OSGIN1: variants seen among roughly 807,000 people sequenced by gnomAD.
The protein encoded by OSGIN1 is oxidative stress induced growth inhibitor 1.
Under a neutral mutation model 20.1 loss-of-function variants are expected in OSGIN1, and 19 were observed. That is an observed-to-expected ratio of 0.95 (90% CI 0.66 to 1.39). OSGIN1 has a LOEUF of 1.39. Ranked by LOEUF, OSGIN1 falls within the 40% of genes most tolerant of loss-of-function variation. OSGIN1 has a pLI of 0.00. For missense variants in OSGIN1, 820 were observed against 653.0 expected, an observed-to-expected ratio of 1.26 and a Z score of -2.79; for synonymous variants, 368 against 297.8, an observed-to-expected ratio of 1.24 and a Z score of -2.43.
chr16:83,959,178 C>A, intron 2 of OSGIN1, 82 bp from the exon 3 acceptor site: 1 of 911,668 alleles, frequency 1.1e-6, no homozygotes, highest in Non-Finnish European at 1.7e-6. Flanking sequence ...AATGAATGCG[C>A]CGCATCTAGA....
At chr16:83,962,393 C>A (rs2084225853) in intron 5 of OSGIN1, among the ~76,000 whole-genome samples, 1 of 152,216 alleles carries the variant, frequency 6.6e-6, no homozygotes, top group African/African-American at 2.4e-5. Flanking sequence ...TGCCCACCAC[C>A]ACACCCGGCT....
At chr16:83,954,913 A>C (rs1346958977) in intron 1 of OSGIN1, among the ~76,000 whole-genome samples, 2 of 152,234 alleles carry the variant, frequency 1.3e-5, no homozygotes, top group Non-Finnish European at 2.9e-5. Flanking sequence ...GGGTGGGCGC[A>C]CTGGGGCAGA....
At chr16:83,960,524 C>A (rs767765254) in intron 3 of OSGIN1, 45 bp from the exon 4 acceptor site, 2 of 1,525,702 alleles carry the variant, frequency 1.3e-6, no homozygotes, top group Admixed American at 1.7e-5. Context: ...GGGAAGACGA[C>A]CCCGCCCTCC....
intron 5 of OSGIN1, among the ~76,000 whole-genome samples, chr16:83,964,567 C>T (rs963229913): frequency 6.6e-5 from 10 of 152,080 alleles, no homozygotes; most frequent in Admixed American, 5.9e-4. Context: ...TGGAATCATA[C>T]CATATTTAAT....
chr16:83,962,533 G>A (rs2084228538), intron 5 of OSGIN1, among the ~76,000 whole-genome samples: 1 of 152,294 alleles, frequency 6.6e-6, no homozygotes. Context: ...GAGCCACCAC[G>A]CCAGGCTAAT....
intron 5 of OSGIN1, among the ~76,000 whole-genome samples, chr16:83,963,057 G>A (rs1187948252): frequency 2.0e-5 from 3 of 152,126 alleles, no homozygotes; most frequent in South Asian, 2.1e-4. Context: ...TCTGCCTCTC[G>A]GGAAGCCCTG....
At chr16:83,955,394 A>G (rs1008682955) in intron 1 of OSGIN1, among the ~76,000 whole-genome samples, 1 of 152,166 alleles carries the variant, frequency 6.6e-6, no homozygotes, top group Non-Finnish European at 1.5e-5. Flanking sequence ...TGGAACGGAC[A>G]CTGCACGTTC....
At chr16:83,963,575 A>C (rs2084241033) in intron 5 of OSGIN1, among the ~76,000 whole-genome samples, 1 of 152,136 alleles carries the variant, frequency 6.6e-6, no homozygotes, top group African/African-American at 2.4e-5. Context: ...TGCTCTTGGG[A>C]CCGTTCTGTG....
At chr16:83,960,913 C>A in intron 4 of OSGIN1, 68 bp from the exon 5 acceptor site, 1 of 1,546,330 alleles carries the variant, frequency 6.5e-7, no homozygotes, top group Non-Finnish European at 8.9e-7. Flanking sequence ...AAAGGCCTCC[C>A]ATGCCCTCTA....
chr16:83,959,393 C>T lies in OSGIN1; in HGVS notation c.201C>T (p.Asp67=), dbSNP rs757839127. 5 of 1,613,698 alleles carry T rather than the reference C, an allele frequency of 3.1e-6. No individual in the cohort carries two copies. Among genetic ancestry groups the T allele is most frequent in the Non-Finnish European group, 4.2e-6 (5 of 1,179,896 alleles). Residue 67 remains aspartate (D), a synonymous_variant, in exon 3 of 6, where the codon GAC becomes GAT. Coordinates refer to ENST00000393306, the MANE Select transcript of OSGIN1 (RefSeq NM_182981.3). ...LTEAPGVSIL[D]QDLDYLSEGL... ...AGGCCCCGGGGGTCTCCATCCTGGA[C>T]CAGGTGGGTCAGCCTGGGGCCAGAG...
At chr16:83,963,523 C>G (rs2084240303) in intron 5 of OSGIN1, among the ~76,000 whole-genome samples, 1 of 152,138 alleles carries the variant, frequency 6.6e-6, no homozygotes, top group African/African-American at 2.4e-5. Context: ...AGCATTCATT[C>G]TTTCCATTGT....
At chr16:83,961,182 G>C in intron 5 of OSGIN1, 110 bp downstream of exon 5, 1 of 834,036 alleles carries the variant, frequency 1.2e-6, no homozygotes. Context: ...CCAAGGTTGA[G>C]GACGCGCCCG....
In OSGIN1 at chr16:83,965,844, G is replaced by A. The variant is rs1291152363; in HGVS notation, c.1271G>A (p.Arg424Lys). The A allele has an allele frequency of 6.2e-7, 1 of 1,613,060 alleles. No individual in the cohort carries two copies. Among genetic ancestry groups the A allele is most frequent in the Middle Eastern group, 1.6e-4 (1 of 6,062 alleles). The change falls in exon 6 of 6, where the codon AGG (arginine) becomes AAG (lysine). Residue 424 changes from arginine to lysine, a missense_variant. By Grantham distance (26) the Arg-to-Lys change is conservative. Transcript: ENST00000393306. Reference sequence around the variant, plus strand: ...CCTGACCAGCCGCTGAGCGCCAAGAGGAACCCCATTGACGTGGACCCCTTC... The same window carrying A: ...CCTGACCAGCCGCTGAGCGCCAAGAAGAACCCCATTGACGTGGACCCCTTC... The part of the protein sequence containing the change: ...VDPDQPLSAK[R>K]NPIDVDPFTY...
chr16:83,959,119 C>T (rs1909078219), intron 2 of OSGIN1, 141 bp from the exon 3 acceptor site: 2 of 635,262 alleles, frequency 3.1e-6, no homozygotes, highest in Non-Finnish European at 5.6e-6. Context: ...GTGTCTGGCA[C>T]AGGCTAAGGG....
At chr16:83,958,443 C>G (rs1909046190) in intron 2 of OSGIN1, among the ~76,000 whole-genome samples, 2 of 152,214 alleles carry the variant, frequency 1.3e-5, no homozygotes, top group Admixed American at 1.3e-4. Context: ...CTTATGATTC[C>G]TGTCCTCTGT....
rs1163021227 is a variant in OSGIN1 at position 83,966,164 on chromosome 16, G to C, written c.*157G>C. On this transcript the variant is annotated 3_prime_UTR_variant, in exon 6 of 6. Transcript: ENST00000393306. ...AGGAGTAGGGATCCCAGGCTGCCCT[G>C]GACTTAGACCAGTGTCTGAGGTGGT... The C allele has an allele frequency of 1.6e-6, 1 of 639,918 alleles. No individual in the cohort carries two copies. The highest frequency in any genetic ancestry group is 1.8e-5 in the African/African-American group (1 of 54,746). 39.6% of individuals were successfully genotyped at this position (639,918 alleles called of 1,614,324 possible). A position where few individuals can be genotyped will look rare whatever the true frequency, so the allele number is the denominator to read the frequency against.
At chr16:83,956,986 C>G (rs1004704002) in intron 1 of OSGIN1, 7 of 152,492 alleles carry the variant, frequency 4.6e-5, no homozygotes, top group African/African-American at 1.7e-4. Flanking sequence ...CCAAACCTGG[C>G]CACTGCTTCC....
Position 83,957,659 on chromosome 16 carries a change from C to A in OSGIN1, c.-13C>A, listed in dbSNP as rs769803772. The A allele has an allele frequency of 1.3e-6, 2 of 1,595,062 alleles. No homozygotes were observed. The highest frequency in any genetic ancestry group is 2.3e-5 in the East Asian group (1 of 43,928). On this transcript the variant is annotated 5_prime_UTR_variant, in exon 2 of 6. Coordinates refer to ENST00000393306, the MANE Select transcript of OSGIN1 (RefSeq NM_182981.3). The stretch of plus-strand genomic sequence containing the variant: ...CTCCAGGTCCGCTGCCAGCCCCAAG[C>A]CCCCCACCAGCCATGAGCTCCTCCA...
intron 1 of OSGIN1, among the ~76,000 whole-genome samples, chr16:83,956,473 G>A (rs372477466): frequency 2.6e-4 from 39 of 152,234 alleles, no homozygotes; most frequent in East Asian, 7.7e-4. Context: ...CCCTGTGCCC[G>A]CCCACTTGAG....
Sources: gnomAD v4.1 joint callset for allele counts (sites outside exome capture counted in the v4.1 genomes callset) on GRCh38, gnomAD v4.1.1 for gene constraint, MANE v1.5 for transcripts, NCBI Gene and HGNC (gene_info 2026-07-23, HGNC 2026-07-21) for gene names.